Variants in KAT6B observed in about 807,000 individuals in gnomAD.
KAT6B encodes lysine acetyltransferase 6B.
A neutral mutation model predicts 187.5 loss-of-function variants in KAT6B; 10 were observed. The observed-to-expected ratio is 0.05, with a 90% CI of 0.03 to 0.09. The LOEUF is 0.09. KAT6B is among the 10% of genes least tolerant of loss of function. The pLI is 1.00. For missense variants in KAT6B, 1,952 were observed against 2,558.9 expected, an observed-to-expected ratio of 0.76 and a Z score of 5.12; for synonymous variants, 861 against 926.8, an observed-to-expected ratio of 0.93 and a Z score of 1.29.
At chr10:74,980,351 A>G (rs1842430132) in intron 10 of KAT6B, among the ~76,000 whole-genome samples, 1 of 152,226 alleles carries the variant, frequency 6.6e-6, no homozygotes, top group South Asian at 2.1e-4. Flanking sequence ...CAGTATTTAT[A>G]AACTTGATTT....
intron 13 of KAT6B, among the ~76,000 whole-genome samples, chr10:75,000,938 A>G (rs988092472): frequency 7.2e-5 from 11 of 152,060 alleles, no homozygotes; most frequent in Middle Eastern, 3.2e-3. Context: ...CTGCTAGAAG[A>G]TGGTGCAAAT....
intron 8 of KAT6B, chr10:74,976,625 C>T (rs751649042): frequency 4.2e-5 from 19 of 451,636 alleles, no homozygotes; most frequent in African/African-American, 1.6e-4. Context: ...TTTGTAGTCC[C>T]GCATGAGTAG....
intron 3 of KAT6B, among the ~76,000 whole-genome samples, chr10:74,953,546 T>C (rs1247025697): frequency 2.0e-5 from 3 of 152,178 alleles, no homozygotes; most frequent in Non-Finnish European, 4.4e-5. Flanking sequence ...AATATGAACA[T>C]ATGAATGAAA....
rs180742386 is a variant in KAT6B at position 74,959,355 on chromosome 10, G to A, written c.622-615G>A. 1.7e-3 allele frequency among the ~76,000 whole-genome samples: 266 copies of A among 152,192 alleles called. 7 individuals are homozygous for A. The highest frequency in any genetic ancestry group is 0.016 in the Admixed American group (244 of 15,294). On this transcript the variant is annotated intron_variant, in intron 3 of 17. Transcript: ENST00000287239. ...ATGCTGAACGAATAATTTATTTTAAGCATATAGATAATAGAAACAATTGAG... is the reference window on the plus strand; with the variant it reads ...ATGCTGAACGAATAATTTATTTTAAACATATAGATAATAGAAACAATTGAG...
At chr10:74,927,969 C>A (rs1848620449) in intron 3 of KAT6B, among the ~76,000 whole-genome samples, 1 of 152,064 alleles carries the variant, frequency 6.6e-6, no homozygotes, top group Admixed American at 6.6e-5. Flanking sequence ...AAAAAGTGCT[C>A]CAGGAAAAAG....
intron 3 of KAT6B, among the ~76,000 whole-genome samples, chr10:74,896,360 C>T (rs1845987138): frequency 2.0e-5 from 3 of 152,268 alleles, no homozygotes; most frequent in South Asian, 2.1e-4. Context: ...CACGGGATCT[C>T]GGCTCACTGC....
chr10:74,900,281 TATTA>T (rs1846286741), intron 3 of KAT6B, among the ~76,000 whole-genome samples: 1 of 152,230 alleles, frequency 6.6e-6, no homozygotes, highest in Non-Finnish European at 1.5e-5. Context: ...TGAAATATAT[TATTA>T]ATTAATTCAT....
intron 2 of KAT6B, among the ~76,000 whole-genome samples, chr10:74,841,932 A>G (rs1174834317): frequency 6.6e-6 from 1 of 152,238 alleles, no homozygotes; most frequent in East Asian, 1.9e-4. Flanking sequence ...TCAGATTTGT[A>G]TATATCTTCT....
chr10:75,012,712 G>A (rs1844701238), intron 13 of KAT6B, among the ~76,000 whole-genome samples: 2 of 152,236 alleles, frequency 1.3e-5, no homozygotes, highest in South Asian at 4.1e-4. Context: ...TTTCCCTGGG[G>A]GACTGACATG....
chr10:74,836,777 C>T (rs1389088811), intron 1 of KAT6B, among the ~76,000 whole-genome samples: 2 of 152,122 alleles, frequency 1.3e-5, no homozygotes, highest in African/African-American at 2.4e-5. Flanking sequence ...TGTTCTGTTT[C>T]GGAAGATACT....
chr10:74,833,127 T>G (rs186804697), intron 1 of KAT6B, among the ~76,000 whole-genome samples: 11,197 of 124,228 alleles, frequency 0.09, 624 homozygotes, highest in South Asian at 0.29. Flanking sequence ...AGGGCAAGAC[T>G]CTGTCTCAAA....
intron 3 of KAT6B, among the ~76,000 whole-genome samples, chr10:74,855,692 A>C (rs1842771850): frequency 6.6e-6 from 1 of 152,184 alleles, no homozygotes; most frequent in Non-Finnish European, 1.5e-5. Context: ...GCAGGCATGG[A>C]GGGAGCTAGG....
At chr10:74,960,118 C>A in intron 4 of KAT6B, 40 bp downstream of exon 4, 1 of 1,192,916 alleles carries the variant, frequency 8.4e-7, no homozygotes, top group Non-Finnish European at 1.3e-6. Context: ...AATGACTTCC[C>A]ATTATCATAG....
intron 13 of KAT6B, among the ~76,000 whole-genome samples, chr10:75,001,817 A>G (rs1379072322): frequency 6.6e-6 from 1 of 151,996 alleles, no homozygotes; most frequent in Non-Finnish European, 1.5e-5. Context: ...TTAGAAGTCC[A>G]GTTGGTTGGA....
At chr10:74,993,864 C>G (rs996524485) in intron 13 of KAT6B, among the ~76,000 whole-genome samples, 8 of 152,048 alleles carry the variant, frequency 5.3e-5, no homozygotes, top group African/African-American at 1.9e-4. Context: ...TAGAAGTGAC[C>G]GTATGTCCTT....
intron 3 of KAT6B, among the ~76,000 whole-genome samples, chr10:74,857,785 C>A (rs568817493): frequency 6.6e-6 from 1 of 152,098 alleles, no homozygotes; most frequent in Non-Finnish European, 1.5e-5. Context: ...TTTGGGAGGC[C>A]AAGGCAGGTG....
At chr10:74,873,334 A>G (rs976051665) in intron 3 of KAT6B, among the ~76,000 whole-genome samples, 28 of 151,082 alleles carry the variant, frequency 1.9e-4, no homozygotes, top group Admixed American at 5.3e-4. Context: ...ATGTGATGGC[A>G]TGTGCCTGTG....
At chr10:74,954,525 G>A (rs1012488962) in intron 3 of KAT6B, among the ~76,000 whole-genome samples, 4 of 152,108 alleles carry the variant, frequency 2.6e-5, no homozygotes, top group African/African-American at 7.2e-5. Context: ...CTGTTGGAAA[G>A]GCTCTCTATG....
intron 4 of KAT6B, among the ~76,000 whole-genome samples, chr10:74,963,019 T>G (rs1841211900): frequency 6.6e-6 from 1 of 152,154 alleles, no homozygotes; most frequent in Non-Finnish European, 1.5e-5. Flanking sequence ...CTGTGGGGTG[T>G]AAAGGAGAAT....
Sources: gnomAD v4.1 joint callset for allele counts (sites outside exome capture counted in the v4.1 genomes callset) on GRCh38, gnomAD v4.1.1 for gene constraint, MANE v1.5 for transcripts, NCBI Gene and HGNC (gene_info 2026-07-23, HGNC 2026-07-21) for gene names.